Variants in RPS6KA2 observed in about 807,000 individuals in gnomAD.
The protein encoded by RPS6KA2 is ribosomal protein S6 kinase alpha-2.
RPS6KA2 carries 42 observed loss-of-function variants against 91.8 expected under a neutral mutation model. The ratio of observed to expected loss-of-function variants is 0.46; its 90% CI spans 0.36 to 0.59. The LOEUF is 0.59. Among genes scored for constraint, RPS6KA2 ranks in the 20% least tolerant of loss-of-function variants. The probability of loss-of-function intolerance (pLI) is 0.00; values close to 1 mark genes in which losing one functional copy is unlikely to be tolerated. For missense variants in RPS6KA2, 798 were observed against 978.5 expected, an observed-to-expected ratio of 0.82 and a Z score of 2.46; for synonymous variants, 414 against 393.6, an observed-to-expected ratio of 1.05 and a Z score of -0.61.
intron 1 of RPS6KA2, among the ~76,000 whole-genome samples, chr6:166,539,630 G>A (rs1039717738): frequency 6.6e-6 from 1 of 152,206 alleles, no homozygotes; most frequent in Non-Finnish European, 1.5e-5. Context: ...CAGAAAGCAA[G>A]ATTTCCCTGT....
In RPS6KA2 at chr6:166,468,858, A is replaced by ACCGCCTC. The variant is rs1780642389; in HGVS notation, c.972+982_972+983insGAGGCGG. On this transcript the variant is annotated intron_variant, in intron 11 of 20. Transcript: ENST00000265678. Reference sequence around the variant, plus strand: ...CAGCCTGGGCGACAGAGCGAGACTAAAAAAAAAAAAAAAAAGAAGACAGAG... The same window carrying ACCGCCTC: ...CAGCCTGGGCGACAGAGCGAGACTAACCGCCTCAAAAAAAAAAAAAAAGAAGACAGAG... Among the ~76,000 whole-genome samples, 8 of 64,440 alleles carry ACCGCCTC rather than the reference A, an allele frequency of 1.2e-4. No individual in the cohort carries two copies. The South Asian group carries it at 3.5e-3, about 28-fold the overall frequency. The allele number at this position is 64,440 out of a possible 152,430, so 42.3% of individuals were successfully genotyped here.
chr6:166,806,152 T>G (rs1779488428), intron 2 of RPS6KA2, among the ~76,000 whole-genome samples: 1 of 152,108 alleles, frequency 6.6e-6, no homozygotes, highest in Admixed American at 6.5e-5. Context: ...AATCAACATA[T>G]GCATTATAGG....
chr6:166,478,823 C>T (rs1781079487), intron 10 of RPS6KA2, among the ~76,000 whole-genome samples: 1 of 152,168 alleles, frequency 6.6e-6, no homozygotes, highest in African/African-American at 2.4e-5. Context: ...ACAGTGCTTC[C>T]CACCCATCAG....
At chr6:166,599,638 C>T (rs115674419) in intron 1 of RPS6KA2, among the ~76,000 whole-genome samples, 113 of 152,234 alleles carry the variant, frequency 7.4e-4, no homozygotes, top group African/African-American at 2.5e-3. Flanking sequence ...AACCAACAGA[C>T]GCATGAATTT....
In RPS6KA2 at chr6:166,821,505, C is replaced by T. The variant is rs1395552701; in HGVS notation, c.123+36695G>A. 6.6e-6 allele frequency among the ~76,000 whole-genome samples: 1 copy of T among 152,134 alleles called. No homozygotes were observed. Among genetic ancestry groups the T allele is most frequent in the African/African-American group, 2.4e-5 (1 of 41,412 alleles). On this transcript the variant is annotated intron_variant, in intron 2 of 21. Transcript: ENST00000503859. This position sits in a 1 kb window ranked among gnomAD's most constrained non-coding sequence, Gnocchi z 4.1. ...CTCCTGTAAACGCTGCAGTCAGTCTCCATCCTTAGCCTGGCACGGGTCTGC... is the reference window on the plus strand; with the variant it reads ...CTCCTGTAAACGCTGCAGTCAGTCTTCATCCTTAGCCTGGCACGGGTCTGC...
At chr6:166,529,149 T>C (rs1036017239) in intron 3 of RPS6KA2, among the ~76,000 whole-genome samples, 27 of 152,194 alleles carry the variant, frequency 1.8e-4, no homozygotes, top group African/African-American at 5.8e-4. Flanking sequence ...CTATTCACCA[T>C]AGCAAAGACT....
intron 2 of RPS6KA2, among the ~76,000 whole-genome samples, chr6:166,838,162 A>C (rs1487364911): frequency 6.6e-6 from 1 of 152,250 alleles, no homozygotes; most frequent in Non-Finnish European, 1.5e-5. Flanking sequence ...AGCGGCTAAC[A>C]TTATTTGCTA....
At chr6:166,658,770 G>C (rs112771286) in intron 2 of RPS6KA2, among the ~76,000 whole-genome samples, 9 of 152,318 alleles carry the variant, frequency 5.9e-5, no homozygotes, top group African/African-American at 2.2e-4. Flanking sequence ...AGGGAAACTT[G>C]TTGAACTATT....
chr6:166,757,674 C>T (rs1778055197), intron 2 of RPS6KA2: 13 of 449,262 alleles, frequency 2.9e-5, no homozygotes, highest in South Asian at 2.0e-4. Context: ...TGGGCTGCTG[C>T]GCCCGTCCTC....
At chr6:166,840,650 C>T (rs1416433996) in intron 2 of RPS6KA2, among the ~76,000 whole-genome samples, 2 of 152,164 alleles carry the variant, frequency 1.3e-5, no homozygotes, top group African/African-American at 4.8e-5. Flanking sequence ...TAATCACTAA[C>T]CTTGAAATGT....
intron 1 of RPS6KA2, among the ~76,000 whole-genome samples, chr6:166,614,826 C>T (rs1407416740): frequency 6.6e-6 from 1 of 152,206 alleles, no homozygotes; most frequent in African/African-American, 2.4e-5. Context: ...TCCTCTGCCT[C>T]CTCTCACGAG....
At chr6:166,656,466 C>G (rs965089870) in intron 2 of RPS6KA2, among the ~76,000 whole-genome samples, 1 of 152,192 alleles carries the variant, frequency 6.6e-6, no homozygotes, top group Admixed American at 6.5e-5. Flanking sequence ...TGGTGTGGCT[C>G]GGACACAGGG....
At chr6:166,792,600 C>T (rs1779120754) in intron 2 of RPS6KA2, among the ~76,000 whole-genome samples, 1 of 151,946 alleles carries the variant, frequency 6.6e-6, no homozygotes, top group Non-Finnish European at 1.5e-5. Flanking sequence ...ATGCAAAAAT[C>T]CTCAATAAAA....
chr6:166,534,221 C>CAAAAAAA (rs34585369), intron 2 of RPS6KA2, among the ~76,000 whole-genome samples: 2 of 59,356 alleles, frequency 3.4e-5, no homozygotes, highest in African/African-American at 6.7e-5. Context: ...GACTCTGTCT[C>CAAAAAAA]AAAAAAAAAA....
At chr6:166,516,188 C>T (rs1782636915) in intron 3 of RPS6KA2, among the ~76,000 whole-genome samples, 1 of 152,178 alleles carries the variant, frequency 6.6e-6, no homozygotes, top group African/African-American at 2.4e-5. Flanking sequence ...TTTGGGGGTT[C>T]ACATCTCCAT....
intron 2 of RPS6KA2, chr6:166,702,794 AG>A: frequency 2.7e-6 from 3 of 1,091,366 alleles, no homozygotes; most frequent in Non-Finnish European, 4.3e-6. Context: ...TCTAGGTCCA[AG>A]GGGGCGGCGT....
intron 1 of RPS6KA2, chr6:166,586,389 A>G (rs1340455216): frequency 6.3e-7 from 1 of 1,599,826 alleles, no homozygotes; most frequent in East Asian, 2.2e-5. Flanking sequence ...AGGGCGTTTC[A>G]GGTATTCCTG....
At chr6:166,748,225 C>A (rs1791083258) in intron 2 of RPS6KA2, among the ~76,000 whole-genome samples, 1 of 152,162 alleles carries the variant, frequency 6.6e-6, no homozygotes, top group Non-Finnish European at 1.5e-5. Flanking sequence ...GTGCTGTCTT[C>A]AGGAGGGCGG....
chr6:166,624,234 TAAC>T (rs1358878767), intron 1 of RPS6KA2, among the ~76,000 whole-genome samples: 1 of 152,228 alleles, frequency 6.6e-6, no homozygotes, highest in Non-Finnish European at 1.5e-5. Flanking sequence ...GAATTTCAAA[TAAC>T]AAAAATTTTC....
Sources: gnomAD v4.1 joint callset for allele counts (sites outside exome capture counted in the v4.1 genomes callset) on GRCh38, gnomAD v4.1.1 for gene constraint, Gnocchi (gnomAD v3.1) non-coding constraint, MANE v1.5 for transcripts, NCBI Gene and HGNC (gene_info 2026-07-23, HGNC 2026-07-21) for gene names.